The following AKAP13 variants were observed in gnomAD, a reference collection of about 807,000 sequenced individuals.
AKAP13 encodes A-kinase anchor protein 13.
Under a neutral mutation model 264.5 loss-of-function variants are expected in AKAP13, and 80 were observed. The ratio of observed to expected loss-of-function variants is 0.30; its 90% CI spans 0.25 to 0.36. The LOEUF is 0.36. AKAP13 is among the 10% of genes least tolerant of loss of function. The pLI is 1.00. For synonymous variants in AKAP13, 1,380 were observed against 1,250.2 expected, an observed-to-expected ratio of 1.10 and a Z score of -2.19; for missense variants, 3,712 against 3,435.2, an observed-to-expected ratio of 1.08 and a Z score of -2.01.
At chr15:85,713,906 A>G (rs1414843807) in intron 19 of AKAP13, among the ~76,000 whole-genome samples, 1 of 152,170 alleles carries the variant, frequency 6.6e-6, no homozygotes, top group East Asian at 1.9e-4. Flanking sequence ...CACTTTAGCA[A>G]ATTAGATCTC....
intron 14 of AKAP13, chr15:85,676,990 C>T (rs1012796535): frequency 3.0e-6 from 3 of 985,360 alleles, no homozygotes; most frequent in South Asian, 4.7e-5. Flanking sequence ...GCAGCAGATG[C>T]GGCCAGCAAG....
chr15:85,547,396 T>C (rs566869350), intron 5 of AKAP13, among the ~76,000 whole-genome samples: 1 of 152,362 alleles, frequency 6.6e-6, no homozygotes, highest in South Asian at 2.1e-4. Context: ...TTATTTTGAT[T>C]GCCAGTCTAT....
At chr15:85,725,688 C>T (rs2151738306) in intron 26 of AKAP13, among the ~76,000 whole-genome samples, 1 of 152,308 alleles carries the variant, frequency 6.6e-6, no homozygotes, top group African/African-American at 2.4e-5. Flanking sequence ...TACATAGGGG[C>T]CAACCTGCTA....
intron 2 of AKAP13, among the ~76,000 whole-genome samples, chr15:85,518,290 C>T (rs1254173821): frequency 6.6e-6 from 1 of 152,142 alleles, no homozygotes; most frequent in Non-Finnish European, 1.5e-5. Flanking sequence ...TAGTAGGTAC[C>T]TGGTTCTACT....
At chr15:85,654,397 A>AG (rs1416032938) in intron 10 of AKAP13, among the ~76,000 whole-genome samples, 1 of 152,224 alleles carries the variant, frequency 6.6e-6, no homozygotes, top group African/African-American at 2.4e-5. Flanking sequence ...GTTAAAGCTT[A>AG]TAAAAAATAA....
At position 85,746,367 on chromosome 15, in the gene AKAP13, A is replaced by G. The variant is rs1482923086; in HGVS notation, c.*1690A>G. The G allele has an allele frequency of 2.0e-4, 31 of 152,112 alleles. No individual in the cohort carries two copies. The highest frequency in any genetic ancestry group is 1.0e-4 in the Non-Finnish European group (7 of 68,030). 9.4% of individuals were successfully genotyped at this position (152,112 alleles called of 1,614,324 possible). A position where few individuals can be genotyped will look rare whatever the true frequency, so the allele number is the denominator to read the frequency against. ...CCCAACAGTCTAAACTATCCAGTCAATACCGAGTGAAGTGGCAGCCAGCAC... is the reference window on the plus strand; with the variant it reads ...CCCAACAGTCTAAACTATCCAGTCAGTACCGAGTGAAGTGGCAGCCAGCAC... On this transcript the variant is annotated 3_prime_UTR_variant, in exon 37 of 37. Transcript: ENST00000394518.
chr15:85,544,969 GC>G (rs1408055106), intron 5 of AKAP13, among the ~76,000 whole-genome samples: 66 of 152,216 alleles, frequency 4.3e-4, no homozygotes, highest in African/African-American at 1.5e-3. Flanking sequence ...AGAATGTAGT[GC>G]TACTTACGGT....
chr15:85,669,155 G>C (rs1304832569), intron 13 of AKAP13, among the ~76,000 whole-genome samples: 3 of 152,084 alleles, frequency 2.0e-5, no homozygotes, highest in Non-Finnish European at 4.4e-5. Context: ...AGAATTGTTG[G>C]AACCTGGAGG....
At chr15:85,511,278 T>A (rs1488579146) in intron 2 of AKAP13, among the ~76,000 whole-genome samples, 1 of 152,172 alleles carries the variant, frequency 6.6e-6, no homozygotes, top group Non-Finnish European at 1.5e-5. Context: ...CTGCCTTCCC[T>A]TGCTGGAACA....
intron 3 of AKAP13, among the ~76,000 whole-genome samples, chr15:85,527,108 G>A (rs867494676): frequency 9.9e-5 from 15 of 152,156 alleles, no homozygotes; most frequent in East Asian, 1.9e-4. Flanking sequence ...GACTACAGGC[G>A]CCCGCCACCA....
intron 14 of AKAP13, chr15:85,676,912 A>G: frequency 1.0e-6 from 1 of 984,744 alleles, no homozygotes; most frequent in Non-Finnish European, 1.2e-6. Context: ...CTGTTTCCCC[A>G]TGTGCTGAAG....
At chr15:85,573,550 T>TAAAC (rs1165468985) in intron 5 of AKAP13, among the ~76,000 whole-genome samples, 3 of 150,616 alleles carry the variant, frequency 2.0e-5, no homozygotes, top group Non-Finnish European at 4.4e-5. Context: ...GTCTCAAAAA[T>TAAAC]AAATAAATAA....
At chr15:85,735,442 T>C (rs942142777) in intron 31 of AKAP13, 118 bp from the exon 32 acceptor site, 18 of 1,067,304 alleles carry the variant, frequency 1.7e-5, no homozygotes, top group Admixed American at 2.7e-5. Flanking sequence ...CTCCCCCTTT[T>C]TGGGGGCATC....
At chr15:85,452,763 C>T (rs2074137580) in intron 1 of AKAP13, among the ~76,000 whole-genome samples, 2 of 152,136 alleles carry the variant, frequency 1.3e-5, no homozygotes, top group Non-Finnish European at 2.9e-5. Flanking sequence ...CAGTTGTAGC[C>T]ATGTTCCCTC....
At chr15:85,711,292 C>CA (rs1383831724) in intron 19 of AKAP13, among the ~76,000 whole-genome samples, 1 of 152,158 alleles carries the variant, frequency 6.6e-6, no homozygotes, top group East Asian at 1.9e-4. Flanking sequence ...CCATTCACAT[C>CA]AAACCATTTT....
intron 1 of AKAP13, among the ~76,000 whole-genome samples, chr15:85,479,440 G>A (rs1011017246): frequency 6.6e-6 from 1 of 152,158 alleles, no homozygotes; most frequent in African/African-American, 2.4e-5. Flanking sequence ...AGGATCCCTG[G>A]CCATGGAAAT....
intron 5 of AKAP13, among the ~76,000 whole-genome samples, chr15:85,562,578 T>A (rs772087902): frequency 0.54 from 33,471 of 62,108 alleles, 7,060 homozygotes; most frequent in Non-Finnish European, 0.6. Context: ...AAAAAAAATA[T>A]ATATATATAT....
rs773663074 is a variant in AKAP13 at position 85,533,709 on chromosome 15, C to G, written c.307C>G (p.Leu103Val). 1 of 1,614,214 alleles carries G rather than the reference C, an allele frequency of 6.2e-7. No homozygotes were observed. Among genetic ancestry groups the G allele is most frequent in the Non-Finnish European group, 8.5e-7 (1 of 1,180,042 alleles). Residue 103 changes from leucine (L) to valine (V), a missense_variant, in exon 4 of 37, where the codon CTA becomes GTA. Physicochemically the swap from Leu to Val is conservative, Grantham distance 32. Coordinates refer to ENST00000394518, the MANE Select transcript of AKAP13 (RefSeq NM_007200.5). Reference protein sequence around the residue: ...QDEAYDAAQFLATSAGNQQAL... With the variant: ...QDEAYDAAQFVATSAGNQQAL... Reference sequence around the variant, plus strand: ...TGAAGCGTATGATGCAGCTCAATTCCTAGCAACCAGTGCTGGAAATCAGCA... The same window carrying G: ...TGAAGCGTATGATGCAGCTCAATTCGTAGCAACCAGTGCTGGAAATCAGCA...
At chr15:85,606,535 GAC>G (rs2080351437) in intron 8 of AKAP13, among the ~76,000 whole-genome samples, 1 of 152,196 alleles carries the variant, frequency 6.6e-6, no homozygotes, top group African/African-American at 2.4e-5. Flanking sequence ...TGTTCCACGA[GAC>G]TTGTACAACA....
Sources: allele counts gnomAD v4.1 joint callset (sites outside exome capture counted in the v4.1 genomes callset), GRCh38; gene constraint gnomAD v4.1.1; transcripts MANE v1.5; gene names NCBI Gene and HGNC (gene_info 2026-07-23, HGNC 2026-07-21).